AP1G1: variants seen among roughly 807,000 people sequenced by gnomAD.
AP1G1 encodes the protein AP-1 complex subunit gamma-1.
AP1G1 carries 7 observed loss-of-function variants against 108.3 expected under a neutral mutation model. The observed-to-expected ratio is 0.06, with a 90% confidence interval of 0.04 to 0.12. The LOEUF is 0.12. AP1G1 is among the 10% of genes least tolerant of loss of function. AP1G1 has a pLI of 1.00. For missense variants in AP1G1, 756 were observed against 1,010.7 expected (o/e 0.75, Z 3.42); for synonymous variants, 379 against 353.5 (o/e 1.07, Z -0.81).
Position 71,732,789 on chromosome 16 carries a change from T to A in AP1G1, c.*269A>T, listed in dbSNP as rs1426691286. On this transcript the variant is annotated 3_prime_UTR_variant, in exon 23 of 23. Coordinates refer to ENST00000299980, the MANE Select transcript of AP1G1 (RefSeq NM_001128.6). ...AGGGAATGTTGATTCTGGCTGTAAA[T>A]GTGGGAGGGGTGGAGAAGTGCGGAA... 4 of 331,686 alleles carry A rather than the reference T, an allele frequency of 1.2e-5. No individual in the cohort carries two copies. Among genetic ancestry groups the A allele is most frequent in the Admixed American group, 4.5e-5 (1 of 22,322 alleles). The allele number at this position is 331,686 out of a possible 1,614,324, so 20.5% of individuals were successfully genotyped here.
chr16:71,764,894 TATTTA>T (rs1433155988), intron 7 of AP1G1, among the ~76,000 whole-genome samples, 168 bp from the exon 8 acceptor site: 2 of 152,336 alleles, frequency 1.3e-5, no homozygotes, highest in African/African-American at 4.8e-5. Context: ...ACATTTTCTT[TATTTA>T]GAGAAGCTAT....
At chr16:71,753,730 A>G in intron 13 of AP1G1, 103 bp downstream of exon 13, 3 of 993,156 alleles carry the variant, frequency 3.0e-6, no homozygotes, top group South Asian at 1.4e-5. Flanking sequence ...AATGTTACCT[A>G]TTTACTTGTG....
In AP1G1 at chr16:71,793,753, CGGCTCACTGCAATCTCTGCCTCCTT is replaced by C. The variant is rs544745718; in HGVS notation, c.-3-4296_-3-4272del. Reference sequence around the variant, plus strand: ...AGGCTGGAGTGCAGTGGTGCGATCTCGGCTCACTGCAATCTCTGCCTCCTTGGCTCACTGCAATCTCTGCCTCCTT... The same window carrying C: ...AGGCTGGAGTGCAGTGGTGCGATCTCGGCTCACTGCAATCTCTGCCTCCTT... On this transcript the variant is annotated intron_variant, in intron 1 of 22. Transcript: ENST00000299980. Among the ~76,000 whole-genome samples, 1,076 of 152,170 alleles carry C rather than the reference CGGCTCACTGCAATCTCTGCCTCCTT, an allele frequency of 7.1e-3. 13 individuals carry two copies. The highest frequency in any genetic ancestry group is 0.022 in the African/African-American group (910 of 41,504).
chr16:71,808,650 C>T, intron 1 of AP1G1, 113 bp downstream of exon 1: 1 of 1,289,748 alleles, frequency 7.8e-7, no homozygotes, highest in African/African-American at 1.5e-5. Context: ...CTTCTCAACA[C>T]CCACAGCCTG....
At chr16:71,786,524 G>T (rs984338431) in intron 2 of AP1G1, among the ~76,000 whole-genome samples, 1 of 151,994 alleles carries the variant, frequency 6.6e-6, no homozygotes, top group African/African-American at 2.4e-5. Flanking sequence ...ACAGTGGCAC[G>T]ATCTCAGCTC....
At chr16:71,754,927 G>C (rs2036338) in intron 12 of AP1G1, among the ~76,000 whole-genome samples, 51,449 of 152,070 alleles carry the variant, frequency 0.34, 9,564 homozygotes, top group East Asian at 0.76. Context: ...GAATCATTCA[G>C]TCAGGGCAGG....
chr16:71,779,179 C>G (rs1218308284), intron 2 of AP1G1, among the ~76,000 whole-genome samples: 1 of 152,090 alleles, frequency 6.6e-6, no homozygotes, highest in Non-Finnish European at 1.5e-5. Context: ...AAATACAGTG[C>G]CTGAAGAAGT....
At chr16:71,765,778 A>AT in intron 6 of AP1G1, 194 bp from the exon 7 acceptor site, 1 of 506,712 alleles carries the variant, frequency 2.0e-6, no homozygotes. Flanking sequence ...AGTAGTATGT[A>AT]TTTTATCTGG....
At chr16:71,786,125 A>G (rs1256079648) in intron 2 of AP1G1, among the ~76,000 whole-genome samples, 3 of 152,226 alleles carry the variant, frequency 2.0e-5, no homozygotes, top group African/African-American at 7.2e-5. Context: ...ATAAAATTTT[A>G]GCACAGTTTT....
At chr16:71,768,770 C>A (rs2031430927) in intron 6 of AP1G1, among the ~76,000 whole-genome samples, 1 of 149,504 alleles carries the variant, frequency 6.7e-6, no homozygotes, top group Admixed American at 6.7e-5. Flanking sequence ...AAAAAATTAG[C>A]CAGGCGTGGT....
Position 71,759,501 on chromosome 16 carries a change from C to T in AP1G1, c.975-580G>A, listed in dbSNP as rs532652867. Reference sequence around the variant, plus strand: ...TGGGACTGGGCGCGGTGGCTCATGCCTATAATCCCAGCACTTTGGGAGGCC... The same window carrying T: ...TGGGACTGGGCGCGGTGGCTCATGCTTATAATCCCAGCACTTTGGGAGGCC... On this transcript the variant is annotated intron_variant, in intron 10 of 22. Coordinates refer to ENST00000299980, the MANE Select transcript of AP1G1 (RefSeq NM_001128.6). Among the ~76,000 whole-genome samples, 110 of 148,944 alleles carry T rather than the reference C, an allele frequency of 7.4e-4. 1 individual carries two copies. Among genetic ancestry groups the T allele is most frequent in the Admixed American group, 3.4e-3 (51 of 14,852 alleles).
intron 3 of AP1G1, among the ~76,000 whole-genome samples, chr16:71,774,057 G>C (rs1280385013): frequency 6.9e-6 from 1 of 145,614 alleles, no homozygotes; most frequent in Admixed American, 6.9e-5. Flanking sequence ...GCGAGACTCC[G>C]TCTCAAAAAG....
chr16:71,761,816 C>CAAA lies in AP1G1; in HGVS notation c.919-252_919-250dup, dbSNP rs375647068. Among the ~76,000 whole-genome samples, 64 of 44,726 alleles carry CAAA rather than the reference C, an allele frequency of 1.4e-3. 1 individual carries two copies. The highest frequency in any genetic ancestry group is 4.3e-3 in the African/African-American group (53 of 12,456). 29.3% of individuals were successfully genotyped at this position (44,726 alleles called of 152,430 possible). Reference sequence around the variant, plus strand: ...GGAGCAACAGAGCAAGACTCCATCTCAAAAAAAAAAAAAAAAAAAAAAAGG... The same window carrying CAAA: ...GGAGCAACAGAGCAAGACTCCATCTCAAAAAAAAAAAAAAAAAAAAAAAAAAGG... On this transcript the variant is annotated intron_variant, in intron 9 of 22. Coordinates refer to ENST00000299980, the MANE Select transcript of AP1G1 (RefSeq NM_001128.6).
At chr16:71,791,236 A>C (rs1000193496) in intron 1 of AP1G1, among the ~76,000 whole-genome samples, 4 of 150,950 alleles carry the variant, frequency 2.6e-5, no homozygotes, top group Non-Finnish European at 5.9e-5. Context: ...AAAAAAAAAA[A>C]ACAAAAAAAA....
chr16:71,761,469 G>A, intron 10 of AP1G1, 43 bp downstream of exon 10: 1 of 1,320,664 alleles, frequency 7.6e-7, no homozygotes, highest in Admixed American at 1.7e-5. Context: ...AAAATACTGG[G>A]CTTATAATAT....
intron 5 of AP1G1, 160 bp downstream of exon 5, chr16:71,770,996 G>A: frequency 2.2e-6 from 1 of 447,420 alleles, no homozygotes; most frequent in Non-Finnish European, 3.9e-6. Flanking sequence ...GGATATGTGA[G>A]TGGAAAGACT....
rs1356859176 is a variant in AP1G1 at position 71,782,338 on chromosome 16, A to G, written c.201+6941T>C. Among the ~76,000 whole-genome samples, 3 of 149,642 alleles carry G rather than the reference A, an allele frequency of 2.0e-5. No homozygotes were observed. The East Asian group carries it at 6.1e-4, about 30-fold the overall frequency. ...GCCACCATGCCCGGCTAATTTTTGT[A>G]TTTTTAGTAGAGATGGGGTTTCACT... is the stretch of plus-strand genomic sequence containing the variant. On this transcript the variant is annotated intron_variant, in intron 2 of 22. Coordinates refer to ENST00000299980, the MANE Select transcript of AP1G1 (RefSeq NM_001128.6).
chr16:71,744,176 G>A (rs35541649), intron 19 of AP1G1, among the ~76,000 whole-genome samples: 12,844 of 150,706 alleles, frequency 0.085, 770 homozygotes, highest in Middle Eastern at 0.17. Context: ...CCCGGGAGGC[G>A]GAGGTTGCAG....
At chr16:71,759,277 G>C (rs2030960107) in intron 10 of AP1G1, among the ~76,000 whole-genome samples, 1 of 151,986 alleles carries the variant, frequency 6.6e-6, no homozygotes, top group East Asian at 1.9e-4. Context: ...GGCCAACATG[G>C]TGAAACCCTA....
Sources: allele counts gnomAD v4.1 joint callset (sites outside exome capture counted in the v4.1 genomes callset), GRCh38; gene constraint gnomAD v4.1.1; transcripts MANE v1.5; gene names NCBI Gene and HGNC (gene_info 2026-07-23, HGNC 2026-07-21).